The following TBC1D1 variants were observed in gnomAD, a reference collection of about 807,000 sequenced individuals.
TBC1D1 encodes TBC1 (tre-2/USP6, BUB2, cdc16) domain family, member 1.
TBC1D1 carries 89 observed loss-of-function variants against 125.6 expected under a neutral mutation model. The ratio of observed to expected loss-of-function variants is 0.71; its 90% CI spans 0.60 to 0.85. TBC1D1 has a LOEUF of 0.85. Among genes scored for constraint, TBC1D1 ranks in the 40% least tolerant of loss-of-function variants. The pLI is 0.00. For missense variants in TBC1D1, 1,377 were observed against 1,469.2 expected (o/e 0.94, Z 1.03); for synonymous variants, 565 against 564.1 (o/e 1.00, Z -0.02).
intron 2 of TBC1D1, among the ~76,000 whole-genome samples, chr4:37,959,936 C>G (rs1006240557): frequency 3.3e-5 from 5 of 152,276 alleles, no homozygotes; most frequent in Middle Eastern, 3.4e-3. Flanking sequence ...CGGGATGAAA[C>G]ATTTGAGCAT....
chr4:38,012,782 C>T (rs1311298449), intron 2 of TBC1D1, among the ~76,000 whole-genome samples: 1 of 151,932 alleles, frequency 6.6e-6, no homozygotes, highest in East Asian at 1.9e-4. Flanking sequence ...AGATGCTTGA[C>T]CTGTTGAAAT....
chr4:37,897,095 CT>C (rs1560447355), intron 1 of TBC1D1, among the ~76,000 whole-genome samples: 1 of 152,108 alleles, frequency 6.6e-6, no homozygotes, highest in Non-Finnish European at 1.5e-5. Flanking sequence ...CATAAGAGTT[CT>C]CCTTGGAATA....
chr4:38,045,090 T>C (rs1202898886), intron 9 of TBC1D1, among the ~76,000 whole-genome samples: 2 of 152,186 alleles, frequency 1.3e-5, no homozygotes, highest in South Asian at 2.1e-4. Flanking sequence ...TTGCCAAATA[T>C]AGCTCTATAG....
chr4:37,976,964 A>C (rs1156483086), intron 2 of TBC1D1, among the ~76,000 whole-genome samples: 2 of 152,214 alleles, frequency 1.3e-5, no homozygotes, highest in African/African-American at 4.8e-5. Flanking sequence ...CTTAGGAAGA[A>C]AAGCCCTGGG....
intron 2 of TBC1D1, among the ~76,000 whole-genome samples, chr4:37,916,695 G>A (rs904627576): frequency 6.6e-6 from 1 of 152,140 alleles, no homozygotes; most frequent in Non-Finnish European, 1.5e-5. Context: ...ATGGTGAGCA[G>A]GGGGAATGAC....
intron 15 of TBC1D1, chr4:38,110,606 C>G: frequency 1.0e-6 from 1 of 985,396 alleles, no homozygotes; most frequent in Non-Finnish European, 1.2e-6. Context: ...CATCGAATGT[C>G]TTTTTATAAA....
chr4:37,960,405 T>C, intron 2 of TBC1D1: 1 of 1,564,416 alleles, frequency 6.4e-7, no homozygotes, highest in Non-Finnish European at 8.7e-7. Context: ...CTTAGATGAA[T>C]GTGGCTGTTG....
rs150937713 is a variant in TBC1D1, at chr4:38,035,549, G to A, written c.1303-39G>A. ...AAGACGGCTTAGCAATATTGTTGAC[G>A]ATTAAAAATAAATCCTGTTTCTGAT... On this transcript the variant is annotated intron_variant, in intron 7 of 19. Coordinates refer to ENST00000261439, the MANE Select transcript of TBC1D1 (RefSeq NM_015173.4). The A allele has an allele frequency of 5.3e-4, 815 of 1,536,630 alleles. 7 individuals carry two copies. The African/African-American group carries it at 9.5e-3, about 18-fold the overall frequency.
intron 2 of TBC1D1, among the ~76,000 whole-genome samples, chr4:37,998,571 C>G (rs1231003474): frequency 6.6e-6 from 1 of 152,332 alleles, no homozygotes; most frequent in South Asian, 2.1e-4. Context: ...CCCTCCCCTC[C>G]TGACCTCCCC....
rs549426152 is a variant in TBC1D1, at chr4:38,107,372, G to C, written c.2557+4215G>C. Among the ~76,000 whole-genome samples, 3 of 152,270 alleles carry C rather than the reference G, an allele frequency of 2.0e-5. No homozygotes were observed. In the East Asian group the frequency reaches 5.8e-4, roughly 29 times the overall value. Reference sequence around the variant, plus strand: ...TTGTTTAGTCTACACTTTCTGTTTAGTCTACACCATGGCTACCTCAAGGCC... The same window carrying C: ...TTGTTTAGTCTACACTTTCTGTTTACTCTACACCATGGCTACCTCAAGGCC... On this transcript the variant is annotated intron_variant, in intron 15 of 19. Transcript: ENST00000261439.
intron 2 of TBC1D1, among the ~76,000 whole-genome samples, chr4:37,974,974 T>A (rs948628211): frequency 6.6e-6 from 1 of 152,038 alleles, no homozygotes; most frequent in Non-Finnish European, 1.5e-5. Context: ...GTTGGTGGGT[T>A]TTTTCCCCGT....
At chr4:37,964,896 A>G (rs1730779648) in intron 2 of TBC1D1, among the ~76,000 whole-genome samples, 1 of 152,212 alleles carries the variant, frequency 6.6e-6, no homozygotes, top group Non-Finnish European at 1.5e-5. Flanking sequence ...AGAGCCTGCT[A>G]TTGGCAGGAA....
intron 18 of TBC1D1, among the ~76,000 whole-genome samples, chr4:38,127,862 G>A (rs76257324): frequency 3.3e-5 from 5 of 152,120 alleles, no homozygotes; most frequent in African/African-American, 1.2e-4. Flanking sequence ...ACCTAAGATC[G>A]GCTGGCAGAC....
chr4:38,029,501 G>A (rs1414255938), intron 7 of TBC1D1, among the ~76,000 whole-genome samples: 1 of 152,186 alleles, frequency 6.6e-6, no homozygotes, highest in African/African-American at 2.4e-5. Context: ...CCAAGTAGCT[G>A]AGATTTCAGC....
intron 2 of TBC1D1, among the ~76,000 whole-genome samples, chr4:37,982,580 G>T (rs947048025): frequency 2.0e-5 from 3 of 152,166 alleles, no homozygotes; most frequent in Admixed American, 2.0e-4. Flanking sequence ...TGGGCTTTGG[G>T]AACTCTAGTT....
intron 14 of TBC1D1, among the ~76,000 whole-genome samples, chr4:38,102,205 G>A (rs973504655): frequency 6.6e-6 from 1 of 151,700 alleles, no homozygotes; most frequent in Non-Finnish European, 1.5e-5. Context: ...TAACAAACCT[G>A]CACGTTGTGC....
intron 1 of TBC1D1, among the ~76,000 whole-genome samples, chr4:37,900,825 A>G (rs1331891271): frequency 6.6e-6 from 1 of 152,212 alleles, no homozygotes; most frequent in Non-Finnish European, 1.5e-5. Flanking sequence ...TAATCCCAGC[A>G]CTTTGGGAGG....
At chr4:38,123,692 G>C (rs1175833139) in intron 17 of TBC1D1, among the ~76,000 whole-genome samples, 1 of 152,176 alleles carries the variant, frequency 6.6e-6, no homozygotes, top group Non-Finnish European at 1.5e-5. Context: ...CCCTGAGCTG[G>C]GTGGGAGAAG....
intron 15 of TBC1D1, among the ~76,000 whole-genome samples, chr4:38,107,795 T>C (rs1175067753): frequency 1.3e-5 from 2 of 152,056 alleles, no homozygotes; most frequent in Middle Eastern, 3.2e-3. Flanking sequence ...CTGCCCACAT[T>C]GCGAGTTACT....
Sources: gnomAD v4.1 joint callset for allele counts (sites outside exome capture counted in the v4.1 genomes callset) on GRCh38, gnomAD v4.1.1 for gene constraint, MANE v1.5 for transcripts, NCBI Gene and HGNC (gene_info 2026-07-23, HGNC 2026-07-21) for gene names.